SAMMSON: variants seen among roughly 807,000 people sequenced by gnomAD.
The protein encoded by SAMMSON is survival associated mitochondrial melanoma specific oncogenic non-coding RNA, also known as long intergenic non-protein coding RNA 1212.
intron 6 of SAMMSON, among the ~76,000 whole-genome samples, chr3:70,260,951 G>T (rs1701860285): frequency 6.6e-6 from 1 of 152,074 alleles, no homozygotes; most frequent in South Asian, 2.1e-4. Flanking sequence ...GAAGATAAGT[G>T]ATTTTCTCAA....
At chr3:70,166,314 G>C (rs976244884) in intron 4 of SAMMSON, among the ~76,000 whole-genome samples, 1 of 152,012 alleles carries the variant, frequency 6.6e-6, no homozygotes, top group African/African-American at 2.4e-5. Flanking sequence ...ATGAGGCTTT[G>C]TGGTAAGTAT....
rs1452960765 is a variant in SAMMSON, at chr3:70,324,942, T to TAA, written n.740-29232_740-29231insAA. On this transcript the variant is annotated intron_variant and non_coding_transcript_variant, in intron 7 of 9. Coordinates refer to ENST00000642114, the Ensembl canonical transcript of SAMMSON. ...GGCCAAAAAAAAAAAAAAGAAGTGATACGATTAGGAAAAAAAGGCATTGGA... is the reference window on the plus strand; with the variant it reads ...GGCCAAAAAAAAAAAAAAGAAGTGATAAACGATTAGGAAAAAAAGGCATTGGA... Among the ~76,000 whole-genome samples the TAA allele has an allele frequency of 5.8e-4, 86 of 147,768 alleles. 1 individual carries two copies. Among genetic ancestry groups the TAA allele is most frequent in the Admixed American group, 3.6e-3 (53 of 14,794 alleles).
At chr3:70,335,882 T>C (rs1204237492) in intron 7 of SAMMSON, among the ~76,000 whole-genome samples, 1 of 151,924 alleles carries the variant, frequency 6.6e-6, no homozygotes, top group Admixed American at 6.6e-5. Context: ...CATTATGCTG[T>C]TATAGCTGTA....
intron 7 of SAMMSON, among the ~76,000 whole-genome samples, chr3:70,344,771 G>A (rs991244592): frequency 6.6e-6 from 1 of 152,126 alleles, no homozygotes; most frequent in Non-Finnish European, 1.5e-5. Flanking sequence ...CTGAACAGAG[G>A]AGCCACACCC....
chr3:70,149,945 A>G (rs13081142), intron 4 of SAMMSON, among the ~76,000 whole-genome samples: 6,566 of 152,140 alleles, frequency 0.043, 233 homozygotes, highest in East Asian at 0.18. Flanking sequence ...CCATTTAAGA[A>G]GGCATACTCT....
At chr3:70,412,456 T>C (rs1045363443) in intron 2 of SAMMSON, among the ~76,000 whole-genome samples, 10 of 152,186 alleles carry the variant, frequency 6.6e-5, no homozygotes, top group Admixed American at 1.3e-4. Flanking sequence ...GTATGCAAAG[T>C]GATCAAGTCA....
intron 3 of SAMMSON, among the ~76,000 whole-genome samples, chr3:70,059,871 C>T (rs905201405): frequency 6.6e-6 from 1 of 152,038 alleles, no homozygotes; most frequent in African/African-American, 2.4e-5. Flanking sequence ...TATTTAGAAT[C>T]ATGTACTAAA....
chr3:70,081,175 G>A (rs1236493846), intron 4 of SAMMSON, among the ~76,000 whole-genome samples: 1 of 152,094 alleles, frequency 6.6e-6, no homozygotes, highest in East Asian at 1.9e-4. Context: ...GTGCAGTGGC[G>A]CGATCTCTGC....
Position 70,211,719 on chromosome 3 carries a change from CCTTT to C in SAMMSON, n.508-37386_508-37383del, listed in dbSNP as rs568724839. Among the ~76,000 whole-genome samples the C allele has an allele frequency of 1.8e-4, 26 of 147,808 alleles. No homozygotes were observed. The South Asian group carries it at 4.6e-3, about 26-fold the overall frequency. On this transcript the variant is annotated intron_variant and non_coding_transcript_variant, in intron 4 of 9. Transcript: ENST00000642114. ...CTTCCCTTTGCCCTTCCCTTCCCTTCCTTTCCTTTCTCTTTTTCCTTTTTCTTCC... is the reference window on the plus strand; with the variant it reads ...CTTCCCTTTGCCCTTCCCTTCCCTTCCCTTTCTCTTTTTCCTTTTTCTTCC...
intron 4 of SAMMSON, among the ~76,000 whole-genome samples, chr3:70,137,852 AT>A (rs2067512386): frequency 6.6e-6 from 1 of 152,186 alleles, no homozygotes; most frequent in South Asian, 2.1e-4. Context: ...CTTCTAGCAC[AT>A]CTTGGATAGC....
At chr3:70,290,802 G>C (rs142105516) in intron 6 of SAMMSON, among the ~76,000 whole-genome samples, 1 of 152,174 alleles carries the variant, frequency 6.6e-6, no homozygotes, top group African/African-American at 2.4e-5. Flanking sequence ...CGCAGTATTC[G>C]GGTGGGAGTG....
chr3:70,413,423 A>G (rs1701237759), intron 2 of SAMMSON, among the ~76,000 whole-genome samples: 1 of 152,176 alleles, frequency 6.6e-6, no homozygotes, highest in Admixed American at 6.6e-5. Context: ...CACCCTGAAA[A>G]GGACCAGGAG....
intron 4 of SAMMSON, among the ~76,000 whole-genome samples, chr3:70,188,579 T>C (rs1468413273): frequency 6.6e-6 from 1 of 152,162 alleles, no homozygotes; most frequent in Non-Finnish European, 1.5e-5. Flanking sequence ...GTTGATATGA[T>C]GTGGGATAGT....
chr3:70,014,467 T>C (rs1460795844), intron 3 of SAMMSON: 2 of 152,216 alleles, frequency 1.3e-5, no homozygotes, highest in Admixed American at 1.3e-4. Flanking sequence ...CATACGTTTA[T>C]TCTTTTCTTC....
chr3:70,339,203 A>G (rs906846380), intron 7 of SAMMSON, among the ~76,000 whole-genome samples: 2 of 152,306 alleles, frequency 1.3e-5, no homozygotes, highest in Admixed American at 1.3e-4. Context: ...AGCCATATGT[A>G]GAAAGCTGAA....
Position 70,125,801 on chromosome 3 carries a change from T to C in SAMMSON, n.507+54236T>C, listed in dbSNP as rs539971673. 6.7e-5 allele frequency: 44 copies of C among 658,274 alleles called. 1 individual carries two copies. In the African/African-American group the frequency reaches 6.7e-4, roughly 10 times the overall value. The allele number at this position is 658,274 out of a possible 1,614,324, so 40.8% of individuals were successfully genotyped here. A position where few individuals can be genotyped will look rare whatever the true frequency, so the allele number is the denominator to read the frequency against. On this transcript the variant is annotated intron_variant and non_coding_transcript_variant, in intron 4 of 9. Coordinates refer to ENST00000642114, the Ensembl canonical transcript of SAMMSON. Reference sequence around the variant, plus strand: ...TTTCTCACATGGCGCTGCCTTATTGTTTTGGGTCTTTGGGGCTGAAGATTT... The same window carrying C: ...TTTCTCACATGGCGCTGCCTTATTGCTTTGGGTCTTTGGGGCTGAAGATTT...
chr3:70,244,627 G>A (rs1286943265), intron 4 of SAMMSON, among the ~76,000 whole-genome samples: 1 of 152,206 alleles, frequency 6.6e-6, no homozygotes, highest in Non-Finnish European at 1.5e-5. Flanking sequence ...ACAGCCAGCT[G>A]TAAGTCTCTT....
At chr3:70,290,256 G>C (rs1459244427) in intron 6 of SAMMSON, among the ~76,000 whole-genome samples, 1 of 152,192 alleles carries the variant, frequency 6.6e-6, no homozygotes, top group Non-Finnish European at 1.5e-5. Context: ...TGTCCTTTCT[G>C]TTTGTTAGTT....
intron 4 of SAMMSON, among the ~76,000 whole-genome samples, chr3:70,097,813 G>C (rs1353292552): frequency 6.6e-6 from 1 of 152,106 alleles, no homozygotes; most frequent in Non-Finnish European, 1.5e-5. Flanking sequence ...CCAGAACCGG[G>C]AGATAAGGTT....
Sources: allele counts gnomAD v4.1 joint callset (sites outside exome capture counted in the v4.1 genomes callset), GRCh38; gene constraint gnomAD v4.1.1; transcripts MANE v1.5; gene names NCBI Gene and HGNC (gene_info 2026-07-23, HGNC 2026-07-21).